Variants in ANO3 observed in about 807,000 individuals in gnomAD.
ANO3 encodes anoctamin-3.
Under a neutral mutation model 144.8 loss-of-function variants are expected in ANO3, and 99 were observed. The observed-to-expected ratio is 0.68, with a 90% confidence interval of 0.58 to 0.81. The LOEUF is 0.81. Ranked by LOEUF, ANO3 falls within the 30% of genes least tolerant of loss-of-function variation. ANO3 has a pLI of 0.00. For synonymous variants in ANO3, 414 were observed against 392.6 expected, an observed-to-expected ratio of 1.05 and a Z score of -0.64; for missense variants, 905 against 1,202.2, an observed-to-expected ratio of 0.75 and a Z score of 3.66.
At chr11:26,209,694 G>A (rs1405483832) in intron 1 of ANO3, among the ~76,000 whole-genome samples, 2 of 152,238 alleles carry the variant, frequency 1.3e-5, no homozygotes, top group Non-Finnish European at 2.9e-5. Context: ...TAACTGGTGT[G>A]AGATGGTATC....
Position 26,656,499 on chromosome 11 carries a change from A to T in ANO3, c.2763+18A>T. The stretch of plus-strand genomic sequence containing the variant: ...TGTTTGAGGTTAGTCACAAGCTGAG[A>T]TGAAAATTACTATAGATAAATGCTT... On this transcript the variant is annotated intron_variant, in intron 26 of 26. Coordinates refer to ENST00000256737, the MANE Select transcript of ANO3 (RefSeq NM_031418.4). The T allele has an allele frequency of 6.9e-7, 1 of 1,446,872 alleles. No homozygotes were observed. Among genetic ancestry groups the T allele is most frequent in the Non-Finnish European group, 9.7e-7 (1 of 1,029,890 alleles). 89.6% of individuals were successfully genotyped at this position (1,446,872 alleles called of 1,614,324 possible).
chr11:26,530,318 T>G (rs908257210), intron 7 of ANO3, among the ~76,000 whole-genome samples: 4 of 152,184 alleles, frequency 2.6e-5, no homozygotes, highest in Non-Finnish European at 5.9e-5. Context: ...TTTAAAATTT[T>G]GCTGTCTACC....
At chr11:26,494,709 A>G (rs1160516864) in intron 4 of ANO3, among the ~76,000 whole-genome samples, 3 of 152,132 alleles carry the variant, frequency 2.0e-5, no homozygotes, top group African/African-American at 7.2e-5. Flanking sequence ...TTTGTTTGCA[A>G]AAACAGGGGC....
At chr11:26,328,859 A>T (rs958258088), upstream of ANO3, among the ~76,000 whole-genome samples, 10 of 152,304 alleles carry the variant, frequency 6.6e-5, 1 homozygote, top group East Asian at 1.7e-3. Context: ...AAATGATAAA[A>T]ATATATGAAA....
intron 1 of ANO3, among the ~76,000 whole-genome samples, chr11:26,431,661 G>A (rs1198990141): frequency 6.6e-6 from 1 of 152,134 alleles, no homozygotes; most frequent in African/African-American, 2.4e-5. Flanking sequence ...TTGGTTTTCT[G>A]TTCCTGTGTT....
At chr11:26,453,616 C>T (rs11029562) in intron 3 of ANO3, among the ~76,000 whole-genome samples, 131,465 of 151,622 alleles carry the variant, frequency 0.87, 57,529 homozygotes, top group East Asian at 1. Context: ...CTTAGACTCC[C>T]ACACATTAAT....
chr11:26,551,043 A>G (rs769113633), intron 12 of ANO3, among the ~76,000 whole-genome samples: 4 of 151,944 alleles, frequency 2.6e-5, no homozygotes, highest in Non-Finnish European at 4.4e-5. Flanking sequence ...TGATTTATCC[A>G]TAATGCCCTA....
At chr11:26,282,034 G>C (rs1853689995) in intron 1 of ANO3, among the ~76,000 whole-genome samples, 2 of 152,280 alleles carry the variant, frequency 1.3e-5, no homozygotes, top group Non-Finnish European at 2.9e-5. Flanking sequence ...TGGAATACTA[G>C]CAGCAGGGAC....
chr11:26,513,405 A>G (rs1861741817), intron 5 of ANO3, among the ~76,000 whole-genome samples: 1 of 152,176 alleles, frequency 6.6e-6, no homozygotes, highest in Non-Finnish European at 1.5e-5. Flanking sequence ...GATGTAAACC[A>G]GAGTGATAGC....
At chr11:26,197,351 T>C (rs1180758287) in intron 1 of ANO3, among the ~76,000 whole-genome samples, 1 of 152,076 alleles carries the variant, frequency 6.6e-6, no homozygotes, top group African/African-American at 2.4e-5. Context: ...TTTGTTTTTG[T>C]TTTTGTTTTT....
At chr11:26,603,613 T>A (rs1046656634) in intron 17 of ANO3, among the ~76,000 whole-genome samples, 2 of 152,032 alleles carry the variant, frequency 1.3e-5, no homozygotes, top group Non-Finnish European at 2.9e-5. Context: ...GAACATGAAA[T>A]ACAGTTATAT....
chr11:26,269,450 G>A lies in ANO3; in HGVS notation c.155-40195G>A, dbSNP rs1367155566. Among the ~76,000 whole-genome samples, 4 of 152,132 alleles carry A rather than the reference G, an allele frequency of 2.6e-5. No homozygotes were observed. In the South Asian group the frequency reaches 6.2e-4, roughly 24 times the overall value. On this transcript the variant is annotated intron_variant, in intron 1 of 27. Coordinates refer to the ANO3 transcript ENST00000672621. ...GGGGCTCTCTCAGCAGTGAGGTAACGCCCAGATCTGTGCCGGTCCAGCTGG... is the reference window on the plus strand; with the variant it reads ...GGGGCTCTCTCAGCAGTGAGGTAACACCCAGATCTGTGCCGGTCCAGCTGG...
At chr11:26,656,970 G>A (rs1590687431) in intron 26 of ANO3, among the ~76,000 whole-genome samples, 1 of 152,074 alleles carries the variant, frequency 6.6e-6, no homozygotes. Context: ...TTGATTATCA[G>A]ATCCATACAA....
chr11:26,471,677 A>G (rs1859788644), intron 4 of ANO3, among the ~76,000 whole-genome samples: 1 of 151,950 alleles, frequency 6.6e-6, no homozygotes, highest in African/African-American at 2.4e-5. Context: ...CTAGGAAGTC[A>G]TGACATGAGA....
At chr11:26,249,151 T>C (rs1315442714) in intron 1 of ANO3, among the ~76,000 whole-genome samples, 2 of 152,174 alleles carry the variant, frequency 1.3e-5, no homozygotes, top group African/African-American at 4.8e-5. Context: ...TATTTTGTAA[T>C]GGAGACTGAT....
intron 1 of ANO3, among the ~76,000 whole-genome samples, chr11:26,431,588 G>C (rs1858090880): frequency 1.3e-5 from 2 of 152,146 alleles, no homozygotes; most frequent in South Asian, 4.1e-4. Flanking sequence ...CGCAGCGTCT[G>C]TTCCCTTCTA....
At chr11:26,641,777 CA>C in intron 21 of ANO3, 118 bp from the exon 22 acceptor site, 1 of 1,106,376 alleles carries the variant, frequency 9.0e-7, no homozygotes, top group Non-Finnish European at 1.2e-6. Context: ...AAGGTAAAAC[CA>C]AATACCTCCA....
At chr11:26,359,564 A>G (rs934516187) in intron 1 of ANO3, among the ~76,000 whole-genome samples, 10 of 150,792 alleles carry the variant, frequency 6.6e-5, no homozygotes, top group African/African-American at 9.7e-5. Context: ...CCCTCTATGC[A>G]GCTGTCTCCT....
intron 1 of ANO3, among the ~76,000 whole-genome samples, chr11:26,441,122 T>TG (rs1362026408): frequency 3.1e-4 from 39 of 124,042 alleles, no homozygotes; most frequent in African/African-American, 1.1e-3. Flanking sequence ...TTTTTTTTTT[T>TG]TTTTTTTTTT....
Sources: allele counts gnomAD v4.1 joint callset (sites outside exome capture counted in the v4.1 genomes callset), GRCh38; gene constraint gnomAD v4.1.1; transcripts MANE v1.5; gene names NCBI Gene and HGNC (gene_info 2026-07-23, HGNC 2026-07-21).